Variants in BCAS3 observed in about 807,000 individuals in gnomAD.
The protein encoded by BCAS3 is BCAS4/BCAS3 fusion.
BCAS3 carries 53 observed loss-of-function variants against 116.1 expected under a neutral mutation model. The ratio of observed to expected loss-of-function variants is 0.46; its 90% confidence interval spans 0.37 to 0.57. The LOEUF is 0.57. Ranked by LOEUF, BCAS3 falls within the 20% of genes least tolerant of loss-of-function variation. The pLI is 0.00. For missense variants in BCAS3, 917 were observed against 1,165.4 expected, an observed-to-expected ratio of 0.79 and a Z score of 3.10; for synonymous variants, 391 against 408.2, an observed-to-expected ratio of 0.96 and a Z score of 0.51.
chr17:61,169,168 C>G (rs1219781973), intron 22 of BCAS3, among the ~76,000 whole-genome samples: 3 of 152,148 alleles, frequency 2.0e-5, no homozygotes, highest in African/African-American at 7.2e-5. Context: ...GTTCTAATAC[C>G]TATGTCATTC....
intron 3 of BCAS3, chr17:60,689,127 T>C (rs1240719386): frequency 3.3e-5 from 5 of 152,290 alleles, no homozygotes; most frequent in African/African-American, 4.8e-5. Flanking sequence ...CTTTGAATTA[T>C]AGTAATGCTT....
At chr17:61,386,101 C>G (rs923313189) in intron 23 of BCAS3, among the ~76,000 whole-genome samples, 6 of 152,206 alleles carry the variant, frequency 3.9e-5, no homozygotes, top group African/African-American at 1.4e-4. Context: ...GTGATGCACT[C>G]TACATGCATT....
intron 13 of BCAS3, among the ~76,000 whole-genome samples, chr17:60,940,642 A>G (rs939289176): frequency 2.0e-5 from 3 of 152,362 alleles, no homozygotes; most frequent in East Asian, 1.9e-4. Context: ...GTAAGTTTGT[A>G]TCTATACAGG....
chr17:60,681,319 G>T lies in BCAS3; in HGVS notation c.83+1779G>T, dbSNP rs573822553. Among the ~76,000 whole-genome samples the T allele has an allele frequency of 6.9e-4, 105 of 151,916 alleles. 1 individual carries two copies. In the South Asian group the frequency reaches 0.016, roughly 23 times the overall value. On this transcript the variant is annotated intron_variant, in intron 2 of 23. Transcript: ENST00000407086. ...GTTTGAGACCAGCCTGACCAATGTG[G>T]AGAAAACCCGTCTCTACTAAAAATA...
intron 22 of BCAS3, among the ~76,000 whole-genome samples, chr17:61,294,539 A>G (rs1328858599): frequency 6.6e-6 from 1 of 152,186 alleles, no homozygotes; most frequent in African/African-American, 2.4e-5. Flanking sequence ...CCTTTTGTCT[A>G]GTGCTATTTT....
chr17:61,139,614 A>G lies in BCAS3; in HGVS notation c.2425+55050A>G, dbSNP rs2076818343. ...GCTTATCAGAAAAAGTGTAAATGCT[A>G]TTATTGACTGTTTCCTAGAACTCAT... On this transcript the variant is annotated intron_variant, in intron 22 of 23. Transcript: ENST00000407086. The surrounding 1 kb of genome is among the most constrained non-coding windows in gnomAD (Gnocchi z 4.7). Among the ~76,000 whole-genome samples the G allele has an allele frequency of 6.6e-6, 1 of 152,186 alleles. No individual in the cohort carries two copies. The highest frequency in any genetic ancestry group is 2.4e-5 in the African/African-American group (1 of 41,434).
At chr17:61,138,329 C>G (rs1416212405) in intron 22 of BCAS3, among the ~76,000 whole-genome samples, 2 of 152,146 alleles carry the variant, frequency 1.3e-5, no homozygotes, top group African/African-American at 4.8e-5. Flanking sequence ...AAGTTTATCC[C>G]CAGCAAACAT....
chr17:61,103,404 C>T (rs768537963), intron 22 of BCAS3, among the ~76,000 whole-genome samples: 3 of 152,126 alleles, frequency 2.0e-5, no homozygotes, highest in Non-Finnish European at 4.4e-5. Context: ...ACTCCAGGAA[C>T]TCCTACTGAC....
chr17:60,699,354 A>C (rs1039888359), intron 4 of BCAS3, among the ~76,000 whole-genome samples: 1 of 152,092 alleles, frequency 6.6e-6, no homozygotes, highest in African/African-American at 2.4e-5. Context: ...AGCTAGGATT[A>C]CAAGCATGCA....
rs1344146839 is a variant in BCAS3, at chr17:61,392,076, C to T, written c.2693C>T (p.Pro898Leu). The part of the protein sequence containing the change: ...RNFDGYRSPL[P>L]TNESQPLSLF... ...TTTGATGGCTACCGATCTCCGCTGC[C>T]CACCAATGAGAGCCAGCCCCTCAGC... Residue 898 changes from proline (P) to leucine (L), a missense_variant, in exon 24 of 24, where the codon CCC becomes CTC. Transcript: ENST00000407086. The surrounding 1 kb of genome is among the most constrained non-coding windows in gnomAD (Gnocchi z 6.4). The T allele has an allele frequency of 4.3e-6, 7 of 1,613,716 alleles. No individual in the cohort carries two copies. The Admixed American group carries it at 1.2e-4, about 27-fold the overall frequency.
At chr17:61,154,486 A>G (rs1215120377) in intron 22 of BCAS3, among the ~76,000 whole-genome samples, 1 of 149,250 alleles carries the variant, frequency 6.7e-6, no homozygotes, top group Non-Finnish European at 1.5e-5. Flanking sequence ...CCCAGGCTGG[A>G]GTGCAGTGGG....
In BCAS3 at chr17:60,947,304, T is replaced by C. The variant is rs766682196; in HGVS notation, c.1173T>C (p.Cys391=). 5.6e-6 allele frequency: 9 copies of C among 1,613,620 alleles called. No homozygotes were observed. The highest frequency in any genetic ancestry group is 7.6e-6 in the Non-Finnish European group (9 of 1,179,682). ...CTCATCCTTGGTCCTCATCACAATG[T>C]GCTGTCCACCATCTGTATACTCTTC... ...ILTHPWSSSQ[C]AVHHLYTLHR... Residue 391 remains cysteine (C), a synonymous_variant, in exon 14 of 24, where the codon TGT becomes TGC. Transcript: ENST00000407086.
At chr17:60,761,256 A>C (rs934227775) in intron 6 of BCAS3, among the ~76,000 whole-genome samples, 2 of 152,044 alleles carry the variant, frequency 1.3e-5, no homozygotes, top group African/African-American at 4.8e-5. Flanking sequence ...GTACATGTGC[A>C]CAAAGTGCAG....
intron 22 of BCAS3, among the ~76,000 whole-genome samples, chr17:61,166,994 A>G (rs1156847855): frequency 6.6e-6 from 1 of 151,912 alleles, no homozygotes; most frequent in Non-Finnish European, 1.5e-5. Context: ...CGATCCTCCC[A>G]CCTTGGCCTT....
At chr17:61,030,653 A>G (rs141617179) in intron 16 of BCAS3, among the ~76,000 whole-genome samples, 104 of 152,084 alleles carry the variant, frequency 6.8e-4, no homozygotes, top group African/African-American at 2.2e-3. Flanking sequence ...TTAATTTAGC[A>G]TCTTATTTGT....
rs1272323017 is a variant in BCAS3, at chr17:61,300,543, T to C, written c.2426-67784T>C. Among the ~76,000 whole-genome samples, 8 of 152,240 alleles carry C rather than the reference T, an allele frequency of 5.3e-5. No homozygotes were observed. The highest frequency in any genetic ancestry group is 1.9e-4 in the African/African-American group (8 of 41,554). ...AAAAATGTATGGCATCTTGACGCAG[T>C]GTTCCTGGCCAAAAAAGAAAAGAAA... is the stretch of plus-strand genomic sequence containing the variant. On this transcript the variant is annotated intron_variant, in intron 22 of 23. Transcript: ENST00000407086. This position sits in a 1 kb window ranked among gnomAD's most constrained non-coding sequence, Gnocchi z 5.1.
chr17:60,789,596 G>T (rs2046578682), intron 6 of BCAS3, among the ~76,000 whole-genome samples: 1 of 152,120 alleles, frequency 6.6e-6, no homozygotes. Context: ...GATGGATTTG[G>T]CTAGCCGCTT....
chr17:60,724,787 A>T (rs7210330), intron 5 of BCAS3, among the ~76,000 whole-genome samples: 10 of 132,360 alleles, frequency 7.6e-5, no homozygotes, highest in African/African-American at 2.9e-4. Context: ...AAGATTCATT[A>T]AAAAAAAAAA....
intron 6 of BCAS3, among the ~76,000 whole-genome samples, chr17:60,783,932 G>A (rs1326915860): frequency 6.6e-6 from 1 of 152,144 alleles, no homozygotes; most frequent in Non-Finnish European, 1.5e-5. Context: ...AGTGAACAAT[G>A]AGAATTGGCC....
Sources: allele counts gnomAD v4.1 joint callset (sites outside exome capture counted in the v4.1 genomes callset), GRCh38; gene constraint gnomAD v4.1.1; non-coding constraint Gnocchi (gnomAD v3.1); transcripts MANE v1.5; gene names NCBI Gene and HGNC (gene_info 2026-07-23, HGNC 2026-07-21).